CSMD3: variants seen among roughly 807,000 people sequenced by gnomAD.
The protein encoded by CSMD3 is CUB and Sushi multiple domains 3, also known as CUB and sushi domain-containing protein 3.
Under a neutral mutation model 435.2 loss-of-function variants are expected in CSMD3, and 177 were observed. That is an observed-to-expected ratio of 0.41 (90% CI 0.36 to 0.46). The LOEUF is 0.46. Ranked by LOEUF, CSMD3 falls within the 20% of genes least tolerant of loss-of-function variation. The pLI, the probability that CSMD3 is intolerant of heterozygous loss-of-function variation, is 0.34. For synonymous variants in CSMD3, 1,656 were observed against 1,520.5 expected (o/e 1.09, Z -2.07); for missense variants, 4,265 against 4,504.6 (o/e 0.95, Z 1.52).
chr8:113,204,284 T>C (rs868238891), intron 3 of CSMD3, among the ~76,000 whole-genome samples: 4 of 152,130 alleles, frequency 2.6e-5, no homozygotes, highest in Non-Finnish European at 4.4e-5. Context: ...GAGAGCTTCA[T>C]GGTATTTCCC....
rs868767915 is a variant in CSMD3 at position 112,535,165 on chromosome 8, G to A, written c.4564+15506C>T. Among the ~76,000 whole-genome samples, 154 of 151,816 alleles carry A rather than the reference G, an allele frequency of 1.0e-3. 1 individual carries two copies. Among genetic ancestry groups the A allele is most frequent in the African/African-American group, 3.5e-3 (144 of 41,412 alleles). On this transcript the variant is annotated intron_variant, in intron 27 of 70. Coordinates refer to ENST00000297405, the MANE Select transcript of CSMD3 (RefSeq NM_198123.2). ...TATTCAACATAGTGTTGGAAGTTCT[G>A]GCCAGGGCAATTAGGCAGGAGAAGG...
chr8:113,087,950 A>C (rs1026714892), intron 5 of CSMD3, among the ~76,000 whole-genome samples: 4 of 151,558 alleles, frequency 2.6e-5, no homozygotes, highest in African/African-American at 7.3e-5. Context: ...AAATTTTCGC[A>C]ACCTACTCAT....
chr8:112,351,115 A>G (rs906111525), intron 40 of CSMD3, 60 bp downstream of exon 40: 2 of 1,022,022 alleles, frequency 2.0e-6, no homozygotes, highest in African/African-American at 1.6e-5. Context: ...CAAATACTTT[A>G]TAGTCTTTTT....
chr8:113,061,074 T>C (rs920929991), intron 5 of CSMD3, among the ~76,000 whole-genome samples: 3 of 152,150 alleles, frequency 2.0e-5, no homozygotes, highest in African/African-American at 7.2e-5. Flanking sequence ...GTCATCCTTC[T>C]TAGCTTCTCA....
At chr8:112,997,591 G>C (rs1470296363) in intron 6 of CSMD3, among the ~76,000 whole-genome samples, 1 of 151,494 alleles carries the variant, frequency 6.6e-6, no homozygotes, top group Non-Finnish European at 1.5e-5. Flanking sequence ...TGATGGTCAA[G>C]GAGATATTAT....
intron 10 of CSMD3, among the ~76,000 whole-genome samples, chr8:112,916,420 C>G (rs906836832): frequency 1.3e-5 from 2 of 151,498 alleles, no homozygotes; most frequent in Non-Finnish European, 3.0e-5. Context: ...GGCTTGTTTC[C>G]TAATCAAAAT....
At chr8:112,629,179 T>C (rs1239201196) in intron 22 of CSMD3, among the ~76,000 whole-genome samples, 1 of 152,108 alleles carries the variant, frequency 6.6e-6, no homozygotes, top group Non-Finnish European at 1.5e-5. Context: ...CAATGATTTC[T>C]GTGTTTTCTC....
chr8:113,182,324 C>T (rs2092432848), intron 3 of CSMD3, among the ~76,000 whole-genome samples: 1 of 151,768 alleles, frequency 6.6e-6, no homozygotes, highest in African/African-American at 2.4e-5. Context: ...GACTAAGACC[C>T]ATAGAGAGGA....
chr8:112,446,172 T>G (rs1815587960), intron 32 of CSMD3, among the ~76,000 whole-genome samples: 2 of 152,208 alleles, frequency 1.3e-5, no homozygotes, highest in Non-Finnish European at 1.5e-5. Flanking sequence ...AAACACAGCT[T>G]GTACTCTTAA....
intron 61 of CSMD3, among the ~76,000 whole-genome samples, chr8:112,260,452 C>T (rs561408251): frequency 2.6e-5 from 4 of 152,030 alleles, no homozygotes; most frequent in Non-Finnish European, 5.9e-5. Flanking sequence ...AAATGATATA[C>T]GTAAAGCAAC....
At chr8:113,152,094 C>T (rs567891347) in intron 4 of CSMD3, among the ~76,000 whole-genome samples, 38 of 151,552 alleles carry the variant, frequency 2.5e-4, no homozygotes, top group Non-Finnish European at 4.0e-4. Context: ...GTGGTACAAC[C>T]GCCTGAAGAG....
intron 12 of CSMD3, among the ~76,000 whole-genome samples, chr8:112,815,587 T>C (rs2079350877): frequency 1.3e-5 from 2 of 152,158 alleles, no homozygotes; most frequent in Non-Finnish European, 2.9e-5. Flanking sequence ...TTTCTTCTTC[T>C]ACAGCCACCT....
intron 22 of CSMD3, among the ~76,000 whole-genome samples, chr8:112,629,718 G>C (rs1242910426): frequency 6.6e-6 from 1 of 152,192 alleles, no homozygotes; most frequent in African/African-American, 2.4e-5. Flanking sequence ...GCAGGGAATA[G>C]ACAGATGATC....
chr8:113,025,552 T>C (rs1020295220), intron 5 of CSMD3, among the ~76,000 whole-genome samples: 1 of 152,136 alleles, frequency 6.6e-6, no homozygotes, highest in African/African-American at 2.4e-5. Flanking sequence ...TCCAGGAGCA[T>C]ACCGATGCAG....
At position 112,587,477 on chromosome 8, in the gene CSMD3, T is replaced by C. The variant is rs565349029; in HGVS notation, c.3716-242A>G. Among the ~76,000 whole-genome samples the C allele has an allele frequency of 1.6e-3, 239 of 151,806 alleles. 1 individual carries two copies. Among genetic ancestry groups the C allele is most frequent in the African/African-American group, 5.2e-3 (217 of 41,490 alleles). On this transcript the variant is annotated intron_variant, in intron 22 of 70. Coordinates refer to ENST00000297405, the MANE Select transcript of CSMD3 (RefSeq NM_198123.2). ...TGAAAATATACAATAGTTGTAGTAATTTTCCCCCTGGATTAAAGGATAGCA... is the reference window on the plus strand; with the variant it reads ...TGAAAATATACAATAGTTGTAGTAACTTTCCCCCTGGATTAAAGGATAGCA...
intron 20 of CSMD3, among the ~76,000 whole-genome samples, chr8:112,640,798 A>G (rs2074802065): frequency 6.6e-6 from 1 of 152,116 alleles, no homozygotes; most frequent in Non-Finnish European, 1.5e-5. Context: ...GTAAGGGTAG[A>G]AAGTTCAGAT....
At chr8:112,892,492 T>C (rs1042007868) in intron 10 of CSMD3, among the ~76,000 whole-genome samples, 31 of 151,714 alleles carry the variant, frequency 2.0e-4, no homozygotes, top group Admixed American at 3.9e-4. Flanking sequence ...CCTACATATA[T>C]GAAGTTTTAC....
intron 22 of CSMD3, among the ~76,000 whole-genome samples, chr8:112,634,109 T>C (rs539196806): frequency 5.9e-5 from 9 of 151,976 alleles, no homozygotes; most frequent in Non-Finnish European, 1.2e-4. Flanking sequence ...TTAGGGTATA[T>C]GAAATAAAAA....
chr8:112,405,142 C>G (rs1294570322), intron 35 of CSMD3, among the ~76,000 whole-genome samples: 1 of 134,976 alleles, frequency 7.4e-6, no homozygotes, highest in Non-Finnish European at 1.5e-5. Context: ...TGTAATCATG[C>G]CACGGCCTTC....
Sources: gnomAD v4.1 joint callset for allele counts (sites outside exome capture counted in the v4.1 genomes callset) on GRCh38, gnomAD v4.1.1 for gene constraint, MANE v1.5 for transcripts, NCBI Gene and HGNC (gene_info 2026-07-23, HGNC 2026-07-21) for gene names.